ASXL3: variants seen among roughly 807,000 people sequenced by gnomAD.
ASXL3 encodes the protein putative Polycomb group protein ASXL3.
In ASXL3, 34 loss-of-function variants were observed where a neutral mutation model predicts 170.6. The ratio of observed to expected loss-of-function variants is 0.20; its 90% CI spans 0.15 to 0.27. The LOEUF (loss-of-function observed/expected upper bound fraction) is 0.27, where lower values mean the gene tolerates loss of function less well. Ranked by LOEUF, ASXL3 falls within the 10% of genes least tolerant of loss-of-function variation. ASXL3 has a pLI of 1.00. For missense variants in ASXL3, 2,592 were observed against 2,695.3 expected, an observed-to-expected ratio of 0.96 and a Z score of 0.85; for synonymous variants, 1,002 against 989.1, an observed-to-expected ratio of 1.01 and a Z score of -0.24.
Position 33,739,838 on chromosome 18 carries a change from A to G in ASXL3, c.2434A>G (p.Ile812Val), listed in dbSNP as rs1167973131. 3.1e-6 allele frequency: 5 copies of G among 1,613,804 alleles called. No individual in the cohort carries two copies. The highest frequency in any genetic ancestry group is 2.2e-5 in the East Asian group (1 of 44,880). The part of the protein sequence containing the change: ...KNLSNTPEPI[I>V]MSSSSIAPEA... Reference sequence around the variant, plus strand: ...TCTGTCTAATACTCCCGAACCCATCATAATGAGTTCTTCTTCCATTGCTCC... The same window carrying G: ...TCTGTCTAATACTCCCGAACCCATCGTAATGAGTTCTTCTTCCATTGCTCC... Residue 812 changes from isoleucine (I) to valine (V), a missense_variant, in exon 11 of 12, where the codon ATA (isoleucine) becomes GTA (valine). Physicochemically the swap from Ile to Val is conservative, Grantham distance 29. This residue lies in a region of ASXL3 where 2,246 missense variants were observed against 2,219.6 expected (regional missense o/e 1.01). Coordinates refer to ENST00000269197, the MANE Select transcript of ASXL3 (RefSeq NM_030632.3).
intron 10 of ASXL3, among the ~76,000 whole-genome samples, chr18:33,737,459 C>T (rs1402789741): frequency 6.6e-6 from 1 of 152,084 alleles, no homozygotes; most frequent in African/African-American, 2.4e-5. Flanking sequence ...ATTTCTCTAC[C>T]ATCTGATGCT....
chr18:33,712,485 G>T (rs921734718), intron 8 of ASXL3, among the ~76,000 whole-genome samples: 1 of 152,086 alleles, frequency 6.6e-6, no homozygotes, highest in Non-Finnish European at 1.5e-5. Flanking sequence ...AATCTCTTTT[G>T]TATTTCAGAC....
chr18:33,701,960 A>G (rs2066881427), intron 8 of ASXL3, among the ~76,000 whole-genome samples: 1 of 152,154 alleles, frequency 6.6e-6, no homozygotes, highest in South Asian at 2.1e-4. Context: ...TGACACCTTC[A>G]TCTGCTAGTT....
At chr18:33,599,539 A>G (rs759188126) in intron 1 of ASXL3, among the ~76,000 whole-genome samples, 1 of 152,206 alleles carries the variant, frequency 6.6e-6, no homozygotes, top group Non-Finnish European at 1.5e-5. Context: ...TAGGTGGCCA[A>G]TAAAATAAGG....
At chr18:33,585,100 A>T in intron 1 of ASXL3, among the ~76,000 whole-genome samples, 1 of 151,156 alleles carries the variant, frequency 6.6e-6, no homozygotes, top group South Asian at 2.1e-4. Context: ...CCTTCCTCTC[A>T]CTCTGTCTTC....
chr18:33,736,296 C>T (rs2067546232), intron 10 of ASXL3, among the ~76,000 whole-genome samples: 1 of 152,114 alleles, frequency 6.6e-6, no homozygotes, highest in Non-Finnish European at 1.5e-5. Flanking sequence ...ACATGACCCC[C>T]TCATTGCCGT....
intron 2 of ASXL3, among the ~76,000 whole-genome samples, chr18:33,626,249 G>A (rs2065601529): frequency 6.6e-6 from 1 of 152,046 alleles, no homozygotes; most frequent in Admixed American, 6.6e-5. Context: ...TTTTATGTAT[G>A]ATAGCTATTG....
intron 8 of ASXL3, among the ~76,000 whole-genome samples, chr18:33,699,649 G>C (rs906717262): frequency 3.9e-5 from 6 of 152,028 alleles, no homozygotes; most frequent in African/African-American, 7.2e-5. Flanking sequence ...TATTTGCATA[G>C]AACTCTTTCA....
At chr18:33,598,469 G>A (rs1454020369) in intron 1 of ASXL3, among the ~76,000 whole-genome samples, 1 of 152,070 alleles carries the variant, frequency 6.6e-6, no homozygotes, top group Non-Finnish European at 1.5e-5. Flanking sequence ...TTAGAAATAA[G>A]AAAGCGTTTA....
chr18:33,643,424 A>G (rs1375543127), intron 2 of ASXL3, among the ~76,000 whole-genome samples: 4 of 151,814 alleles, frequency 2.6e-5, no homozygotes, highest in Non-Finnish European at 4.4e-5. Context: ...CCTAAACACA[A>G]CATTGTTTCC....
At chr18:33,704,940 A>G (rs1455285461) in intron 8 of ASXL3, among the ~76,000 whole-genome samples, 1 of 151,860 alleles carries the variant, frequency 6.6e-6, no homozygotes, top group African/African-American at 2.4e-5. Context: ...ACTTTCTGTC[A>G]TCTGTGTTCT....
At position 33,708,962 on chromosome 18, in the gene ASXL3, C is replaced by T. The variant is rs560924105; in HGVS notation, c.880-23006C>T. On this transcript the variant is annotated intron_variant, in intron 8 of 11. Transcript: ENST00000269197. ...ACTCATTAATGCTAATAATTTCTAT[C>T]AATTGGGAAAACATACATGAGGTAG... Among the ~76,000 whole-genome samples, 73 of 152,066 alleles carry T rather than the reference C, an allele frequency of 4.8e-4. 1 individual carries two copies. The highest frequency in any genetic ancestry group is 9.4e-4 in the Non-Finnish European group (64 of 68,018).
chr18:33,604,507 C>G (rs1222224269), intron 1 of ASXL3, among the ~76,000 whole-genome samples: 1 of 151,898 alleles, frequency 6.6e-6, no homozygotes, highest in East Asian at 1.9e-4. Context: ...GTGTCCTGTT[C>G]AGAGAGTGAA....
chr18:33,706,388 A>C (rs1034242363), intron 8 of ASXL3, among the ~76,000 whole-genome samples: 3 of 151,848 alleles, frequency 2.0e-5, no homozygotes, highest in African/African-American at 7.2e-5. Context: ...TTGTTGGGTC[A>C]TAGAGTATGC....
chr18:33,584,261 T>A (rs574728402), intron 1 of ASXL3, among the ~76,000 whole-genome samples: 36 of 151,858 alleles, frequency 2.4e-4, no homozygotes, highest in Admixed American at 3.9e-4. Flanking sequence ...ACCAGAAGAC[T>A]TGGGGGGGCA....
At chr18:33,642,082 T>C (rs1260028790) in intron 2 of ASXL3, among the ~76,000 whole-genome samples, 1 of 151,944 alleles carries the variant, frequency 6.6e-6, no homozygotes, top group Non-Finnish European at 1.5e-5. Flanking sequence ...CAGTTAATCA[T>C]TATGTTTAAG....
chr18:33,659,219 A>G (rs12605995), intron 4 of ASXL3, among the ~76,000 whole-genome samples: 92,513 of 151,814 alleles, frequency 0.61, 28,818 homozygotes, highest in East Asian at 0.89. Flanking sequence ...ATTTGTTATT[A>G]TTTAATCCTG....
At chr18:33,725,400 G>A (rs1307903845) in intron 8 of ASXL3, among the ~76,000 whole-genome samples, 1 of 152,102 alleles carries the variant, frequency 6.6e-6, no homozygotes, top group Non-Finnish European at 1.5e-5. Flanking sequence ...CTATCAATAT[G>A]ATGCCACTTG....
At chr18:33,714,135 C>A (rs1467505738) in intron 8 of ASXL3, among the ~76,000 whole-genome samples, 1 of 152,192 alleles carries the variant, frequency 6.6e-6, no homozygotes, top group Non-Finnish European at 1.5e-5. Context: ...CCCTCCCTCT[C>A]AGACACATTT....
Sources: allele counts gnomAD v4.1 joint callset (sites outside exome capture counted in the v4.1 genomes callset), GRCh38; gene constraint gnomAD v4.1.1; regional missense constraint gnomAD v4.1.1; transcripts MANE v1.5; gene names NCBI Gene and HGNC (gene_info 2026-07-23, HGNC 2026-07-21).